Variants in CDH13 observed in about 807,000 individuals in gnomAD.
The protein encoded by CDH13 is cadherin 13, also known as cadherin-13.
In CDH13, 24 loss-of-function variants were observed where a neutral mutation model predicts 63.8. The observed-to-expected ratio is 0.38, with a 90% CI of 0.27 to 0.53. The LOEUF is 0.53. Among genes scored for constraint, CDH13 ranks in the 20% least tolerant of loss-of-function variants. The pLI, the probability that CDH13 is intolerant of heterozygous loss-of-function variation, is 0.85. For missense variants in CDH13, 1,049 were observed against 903.1 expected, an observed-to-expected ratio of 1.16 and a Z score of -2.07; for synonymous variants, 503 against 355.3, an observed-to-expected ratio of 1.42 and a Z score of -4.67.
chr16:82,852,439 C>T (rs758244527), intron 1 of CDH13, among the ~76,000 whole-genome samples: 10 of 152,154 alleles, frequency 6.6e-5, no homozygotes, highest in African/African-American at 9.7e-5. Context: ...CCTTGGGAGT[C>T]CTTCCTTCCT....
chr16:82,707,837 G>A (rs1044371757), intron 1 of CDH13, among the ~76,000 whole-genome samples: 2 of 152,176 alleles, frequency 1.3e-5, no homozygotes, highest in African/African-American at 2.4e-5. Context: ...TCAGAGAAGA[G>A]GAACACAGTA....
At chr16:83,794,534 C>T (rs1334177859) in intron 13 of CDH13, among the ~76,000 whole-genome samples, 1 of 152,164 alleles carries the variant, frequency 6.6e-6, no homozygotes, top group Non-Finnish European at 1.5e-5. Context: ...GCTGGGGCAA[C>T]AGAATGAGAC....
In CDH13 at chr16:83,337,621, A is replaced by ATTTTTTTTTTT. The variant is rs66957563; in HGVS notation, c.637-7222_637-7212dup. The stretch of plus-strand genomic sequence containing the variant: ...ATTTGAGAATTAAATTGACAAGCGT[A>ATTTTTTTTTTT]TTTTTTTTTTTTTTTTTTTTTTTTT... On this transcript the variant is annotated intron_variant, in intron 5 of 13. Transcript: ENST00000567109. 1.5e-4 allele frequency among the ~76,000 whole-genome samples: 8 copies of ATTTTTTTTTTT among 52,280 alleles called. 2 individuals are homozygous for ATTTTTTTTTTT. The highest frequency in any genetic ancestry group is 1.9e-4 in the Non-Finnish European group (6 of 31,648). 34.3% of individuals were successfully genotyped at this position (52,280 alleles called of 152,430 possible).
chr16:83,614,625 G>T (rs1055423025), intron 8 of CDH13, among the ~76,000 whole-genome samples: 3 of 152,262 alleles, frequency 2.0e-5, no homozygotes, highest in South Asian at 4.1e-4. Flanking sequence ...CAAATAAGTG[G>T]GGGGTTTTAT....
chr16:83,185,421 A>C (rs2038488897), intron 4 of CDH13, among the ~76,000 whole-genome samples: 1 of 152,258 alleles, frequency 6.6e-6, no homozygotes, highest in Non-Finnish European at 1.5e-5. Flanking sequence ...AACCATGTAC[A>C]CAAACAGATC....
Position 82,955,188 on chromosome 16 carries a change from A to G in CDH13, c.158-76822A>G, listed in dbSNP as rs182325856. ...ATTTTTAACCTTTTGAGGAACTGCC[A>G]GATTCTTTTTCCAAGCAGTCTTAGA... On this transcript the variant is annotated intron_variant, in intron 2 of 13. Transcript: ENST00000567109. 1.7e-3 allele frequency among the ~76,000 whole-genome samples: 254 copies of G among 152,290 alleles called. 1 individual carries two copies. Among genetic ancestry groups the G allele is most frequent in the African/African-American group, 5.5e-3 (229 of 41,584 alleles).
chr16:83,375,592 C>G (rs1010169146), intron 6 of CDH13, among the ~76,000 whole-genome samples: 3 of 152,162 alleles, frequency 2.0e-5, no homozygotes, highest in Admixed American at 6.5e-5. Flanking sequence ...ATTTAGCAAA[C>G]TGTGTTAAGT....
At position 83,359,248 on chromosome 16, in the gene CDH13, C is replaced by A. The variant is rs532893732; in HGVS notation, c.781+14242C>A. Among the ~76,000 whole-genome samples the A allele has an allele frequency of 3.9e-5, 6 of 152,094 alleles. No homozygotes were observed. In the East Asian group the frequency reaches 7.7e-4, roughly 20 times the overall value. ...CTATGTTTCCACTGTGATTATGAGA[C>A]CTTAAACATGTTATCTTACCTCTCT... On this transcript the variant is annotated intron_variant, in intron 6 of 13. Transcript: ENST00000567109.
chr16:83,125,524 G>A lies in CDH13; in HGVS notation c.483+23G>A, dbSNP rs186595225. 612 of 1,259,608 alleles carry A rather than the reference G, an allele frequency of 4.9e-4. 5 individuals are homozygous for A. The African/African-American group carries it at 8.0e-3, about 16-fold the overall frequency. The allele number at this position is 1,259,608 out of a possible 1,614,324, so 78.0% of individuals were successfully genotyped here. On this transcript the variant is annotated intron_variant, in intron 4 of 13. Coordinates refer to ENST00000567109, the MANE Select transcript of CDH13 (RefSeq NM_001257.5). The stretch of plus-strand genomic sequence containing the variant: ...AAGGTAAGTCAGACAAACAGCAAAT[G>A]ACAAAAACATGTTTTTATGAAAAGA...
intron 6 of CDH13, among the ~76,000 whole-genome samples, chr16:83,437,353 C>T (rs972080900): frequency 7.9e-5 from 12 of 152,046 alleles, no homozygotes; most frequent in African/African-American, 2.9e-4. Context: ...GGAACGTACT[C>T]AGCTTAATAA....
chr16:83,749,042 C>T (rs999045958), intron 11 of CDH13, among the ~76,000 whole-genome samples: 2 of 152,216 alleles, frequency 1.3e-5, no homozygotes, highest in East Asian at 1.9e-4. Flanking sequence ...CAGGATTTGC[C>T]GTTAACTGAG....
intron 3 of CDH13, among the ~76,000 whole-genome samples, chr16:83,043,903 A>G (rs1347510338): frequency 6.6e-6 from 1 of 152,124 alleles, no homozygotes; most frequent in Admixed American, 6.6e-5. Context: ...ATATTAAGTC[A>G]TTGAAATGTA....
chr16:82,830,706 G>C (rs2038497039), intron 1 of CDH13, among the ~76,000 whole-genome samples: 1 of 152,136 alleles, frequency 6.6e-6, no homozygotes, highest in African/African-American at 2.4e-5. Context: ...GCGCTTCATA[G>C]CTGTATTGAC....
intron 1 of CDH13, among the ~76,000 whole-genome samples, chr16:82,678,989 G>A (rs1436601234): frequency 6.6e-6 from 1 of 152,106 alleles, no homozygotes; most frequent in Non-Finnish European, 1.5e-5. Flanking sequence ...ACACTCAAGG[G>A]AGCAGACTCC....
intron 8 of CDH13, among the ~76,000 whole-genome samples, chr16:83,646,070 T>C (rs925440557): frequency 7.2e-5 from 11 of 152,292 alleles, no homozygotes; most frequent in African/African-American, 2.4e-4. Context: ...AGTGTCTGTG[T>C]AGAGTACTGA....
chr16:82,669,289 C>T (rs1193048350), intron 1 of CDH13, among the ~76,000 whole-genome samples: 1 of 152,196 alleles, frequency 6.6e-6, no homozygotes, highest in African/African-American at 2.4e-5. Flanking sequence ...CCTTTAGATG[C>T]CTAGTATATG....
At chr16:82,796,216 C>G (rs929451274) in intron 1 of CDH13, among the ~76,000 whole-genome samples, 4 of 152,096 alleles carry the variant, frequency 2.6e-5, no homozygotes, top group African/African-American at 9.7e-5. Context: ...TGACAGGACT[C>G]TAGCCAGAAA....
At chr16:83,350,318 G>A (rs1241065456) in intron 6 of CDH13, among the ~76,000 whole-genome samples, 1 of 152,242 alleles carries the variant, frequency 6.6e-6, no homozygotes, top group Non-Finnish European at 1.5e-5. Flanking sequence ...AAGATAGGTG[G>A]TGAGAGGTCA....
chr16:82,896,276 ATTTTTTTTTT>A (rs59677448), intron 2 of CDH13, among the ~76,000 whole-genome samples: 61 of 87,868 alleles, frequency 6.9e-4, no homozygotes, highest in South Asian at 4.0e-3. Flanking sequence ...TAGGATTAGG[ATTTTTTTTTT>A]TTTTTTTTTT....
Sources: allele counts gnomAD v4.1 joint callset (sites outside exome capture counted in the v4.1 genomes callset), GRCh38; gene constraint gnomAD v4.1.1; transcripts MANE v1.5; gene names NCBI Gene and HGNC (gene_info 2026-07-23, HGNC 2026-07-21).